The following PGAM5 variants were observed in gnomAD, a reference collection of about 807,000 sequenced individuals.
The protein encoded by PGAM5 is serine/threonine-protein phosphatase PGAM5, mitochondrial.
A neutral mutation model predicts 30.6 loss-of-function variants in PGAM5; 25 were observed. The ratio of observed to expected loss-of-function variants is 0.82; its 90% CI spans 0.60 to 1.14. The LOEUF (loss-of-function observed/expected upper bound fraction) is 1.14. Ranked by LOEUF, PGAM5 falls within the 50% of genes most tolerant of loss-of-function variation. PGAM5 has a pLI of 0.00. For synonymous variants in PGAM5, 201 were observed against 179.1 expected, an observed-to-expected ratio of 1.12 and a Z score of -0.98; for missense variants, 384 against 408.5, an observed-to-expected ratio of 0.94 and a Z score of 0.52.
intron 2 of PGAM5, among the ~76,000 whole-genome samples, chr12:132,715,591 T>C (rs1478156672): frequency 7.7e-6 from 1 of 129,236 alleles, no homozygotes; most frequent in East Asian, 2.3e-4. Flanking sequence ...AAAATGTCCT[T>C]ACCTTGGCCA....
Position 132,722,270 on chromosome 12 carries a change from A to AGAC in PGAM5, c.*1444_*1446dup, listed in dbSNP as rs2043653368. On this transcript the variant is annotated 3_prime_UTR_variant, in exon 6 of 6. Coordinates refer to ENST00000498926, the MANE Select transcript of PGAM5 (RefSeq NM_001170543.2). ...TTTTTTTTTGTTTTTTTTTTTTTGG[A>AGAC]GACGGAGTCTCGCTCTGTCACCCAG... 6 of 137,926 alleles carry AGAC rather than the reference A, an allele frequency of 4.4e-5. No homozygotes were observed. The highest frequency in any genetic ancestry group is 2.3e-4 in the South Asian group (1 of 4,302). 8.5% of individuals were successfully genotyped at this position (137,926 alleles called of 1,614,324 possible).
At chr12:132,719,108 A>G (rs897218909) in intron 5 of PGAM5, 3 of 1,374,272 alleles carry the variant, frequency 2.2e-6, no homozygotes, top group Non-Finnish European at 1.9e-6. Context: ...CTCTACGGTT[A>G]CATGCCTGAA....
Position 132,714,874 on chromosome 12 carries a change from C to G in PGAM5, c.208C>G (p.Leu70Val), listed in dbSNP as rs1360214038. The G allele has an allele frequency of 6.2e-7, 1 of 1,613,698 alleles. No homozygotes were observed. The highest frequency in any genetic ancestry group is 1.1e-5 in the South Asian group (1 of 91,080). The change falls in exon 2 of 6, where the codon CTG (leucine) becomes GTG (valine). Residue 70 changes from leucine to valine, a missense_variant. Leu to Val is a conservative substitution (Grantham distance 32). Transcript: ENST00000498926. ...PNWDRREPLS[L>V]INVRKRNVES... ...CAACATCAGGCGAGAACCACTGTCT[C>G]TGATCAACGTGCGGAAGAGGAACGT... is the stretch of plus-strand genomic sequence containing the variant.
At chr12:132,713,452 G>A (rs2043541253) in intron 1 of PGAM5, among the ~76,000 whole-genome samples, 1 of 152,086 alleles carries the variant, frequency 6.6e-6, no homozygotes, top group African/African-American at 2.4e-5. Context: ...CTGTCTCTGT[G>A]CCTATAGCTC....
At chr12:132,717,867 C>T (rs74723244) in intron 4 of PGAM5, 69 bp downstream of exon 4, 65,578 of 1,590,234 alleles carry the variant, frequency 0.041, 1,606 homozygotes, top group Non-Finnish European at 0.047. Flanking sequence ...CTGCTGGGCT[C>T]ACCATCCACC....
chr12:132,717,716 G>C lies in PGAM5; in HGVS notation c.503G>C (p.Cys168Ser). The change falls in exon 4 of 6, where the codon TGC becomes TCC. Residue 168 changes from cysteine to serine, a missense_variant. Transcript: ENST00000498926. ...DIISRHLPGV[C>S]KVSTDLLREG... ...TCGCTGTGCTTCTCTGCAGGCGTCT[G>C]CAAAGTCAGCACAGATCTGCTGCGG... 1 of 1,573,328 alleles carries C rather than the reference G, an allele frequency of 6.4e-7. No homozygotes were observed. Among genetic ancestry groups the C allele is most frequent in the Non-Finnish European group, 8.6e-7 (1 of 1,159,428 alleles).
At chr12:132,712,295 T>A (rs2043531187) in intron 1 of PGAM5, among the ~76,000 whole-genome samples, 1 of 152,172 alleles carries the variant, frequency 6.6e-6, no homozygotes, top group Admixed American at 6.5e-5. Context: ...TCTTCATGCC[T>A]CCGTAGGCAT....
At chr12:132,711,293 C>T (rs1050448062) in intron 1 of PGAM5, 2 of 294,592 alleles carry the variant, frequency 6.8e-6, no homozygotes, top group Admixed American at 5.3e-5. Context: ...CCGTCGCGTC[C>T]TCGCCCTTCT....
chr12:132,717,935 A>C (rs374037145), intron 4 of PGAM5, 52 bp from the exon 5 acceptor site: 1 of 1,608,508 alleles, frequency 6.2e-7, no homozygotes, highest in Non-Finnish European at 8.5e-7. Context: ...TCCTCCTGAC[A>C]CCCGCCCTGC....
At chr12:132,718,686 C>G (rs2043612545) in intron 5 of PGAM5, 5 of 1,524,226 alleles carry the variant, frequency 3.3e-6, no homozygotes, top group African/African-American at 1.4e-5. Flanking sequence ...GGTTGTTTTC[C>G]CTTTGTAATT....
chr12:132,718,882 C>T, intron 5 of PGAM5: 2 of 1,608,188 alleles, frequency 1.2e-6, no homozygotes, highest in Non-Finnish European at 1.7e-6. Flanking sequence ...GTCCGCTCCC[C>T]TCTGGGTCGA....
At chr12:132,718,166 T>TA (rs1452979706) in intron 5 of PGAM5, 46 bp downstream of exon 5, 2 of 1,607,902 alleles carry the variant, frequency 1.2e-6, no homozygotes, top group Admixed American at 3.3e-5. Flanking sequence ...ATTTCAGACT[T>TA]AGAGAAAAGC....
At position 132,720,711 on chromosome 12, in the gene PGAM5, G is replaced by A; in HGVS notation, c.753G>A (p.Arg251=). The A allele has an allele frequency of 6.5e-7, 1 of 1,536,120 alleles. No homozygotes were observed. The highest frequency in any genetic ancestry group is 8.7e-7 in the Non-Finnish European group (1 of 1,146,816). ...ALQFPPEGWL[R]LSLNNGSITH... ...AGTTTCCTCCTGAAGGCTGGCTCCG[G>A]CTCTCCCTCAATAATGGCAGCATCA... Residue 251 remains arginine, a synonymous_variant, in exon 6 of 6, where the codon CGG becomes CGA. Coordinates refer to ENST00000498926, the MANE Select transcript of PGAM5 (RefSeq NM_001170543.2).
chr12:132,711,752 T>G (rs185348779), intron 1 of PGAM5: 1 of 151,744 alleles, frequency 6.6e-6, no homozygotes, highest in South Asian at 2.1e-4. Flanking sequence ...ATCCCGCCAC[T>G]TCACTCCAGC....
rs535850481 is a variant in PGAM5, at chr12:132,715,114, G to A, written c.370+78G>A. Reference sequence around the variant, plus strand: ...GCATATCTGCTGGCGCCTTGGTTATGTGACTGGGTGCAGGTCCTCCGCCGA... The same window carrying A: ...GCATATCTGCTGGCGCCTTGGTTATATGACTGGGTGCAGGTCCTCCGCCGA... On this transcript the variant is annotated intron_variant, in intron 2 of 5. Coordinates refer to ENST00000498926, the MANE Select transcript of PGAM5 (RefSeq NM_001170543.2). 18 of 1,423,206 alleles carry A rather than the reference G, an allele frequency of 1.3e-5. No homozygotes were observed. The Admixed American group carries it at 2.9e-4, about 23-fold the overall frequency. 88.2% of individuals were successfully genotyped at this position (1,423,206 alleles called of 1,614,324 possible).
intron 5 of PGAM5, among the ~76,000 whole-genome samples, chr12:132,720,157 A>G (rs1274630563): frequency 1.5e-5 from 1 of 67,170 alleles, no homozygotes; most frequent in African/African-American, 4.4e-5. Context: ...AGAAGCCCCG[A>G]CTGAAGACAG....
chr12:132,721,112 A>C lies in PGAM5; in HGVS notation c.*284A>C. On this transcript the variant is annotated 3_prime_UTR_variant, in exon 6 of 6. Transcript: ENST00000498926. ...ACTTGAAAGAGGCCTGACCCAGACC[A>C]CCATGTTCGCACCCACAGCTGACCC... 3.6e-6 allele frequency: 1 copy of C among 281,218 alleles called. No homozygotes were observed. Among genetic ancestry groups the C allele is most frequent in the Non-Finnish European group, 6.7e-6 (1 of 149,128 alleles). The allele number at this position is 281,218 out of a possible 1,614,324, so 17.4% of individuals were successfully genotyped here.
At chr12:132,718,235 C>A in intron 5 of PGAM5, 115 bp downstream of exon 5, 1 of 1,378,464 alleles carries the variant, frequency 7.3e-7, no homozygotes, top group Non-Finnish European at 9.8e-7. Flanking sequence ...AGTCAGGCCT[C>A]ACCAGCCCCC....
intron 5 of PGAM5, among the ~76,000 whole-genome samples, 192 bp downstream of exon 5, chr12:132,718,312 T>C (rs1288194933): frequency 6.8e-6 from 1 of 147,364 alleles, no homozygotes; most frequent in African/African-American, 2.5e-5. Flanking sequence ...GAGCTTCTCA[T>C]AAGGCTGTTT....
Sources: allele counts gnomAD v4.1 joint callset (sites outside exome capture counted in the v4.1 genomes callset), GRCh38; gene constraint gnomAD v4.1.1; transcripts MANE v1.5; gene names NCBI Gene and HGNC (gene_info 2026-07-23, HGNC 2026-07-21).